The following SLCO3A1 variants were observed in gnomAD, a reference collection of about 807,000 sequenced individuals.
SLCO3A1 encodes solute carrier organic anion transporter family member 3A1.
Under a neutral mutation model 63.1 loss-of-function variants are expected in SLCO3A1, and 27 were observed. That is an observed-to-expected ratio of 0.43 (90% CI 0.32 to 0.59). The LOEUF is 0.59. Among genes scored for constraint, SLCO3A1 ranks in the 20% least tolerant of loss-of-function variants. The probability of loss-of-function intolerance (pLI) is 0.09; values close to 1 mark genes in which losing one functional copy is unlikely to be tolerated. For synonymous variants in SLCO3A1, 473 were observed against 409.9 expected (o/e 1.15, Z -1.86); for missense variants, 773 against 945.8 (o/e 0.82, Z 2.40).
chr15:91,972,512 G>A (rs7172099), intron 2 of SLCO3A1, among the ~76,000 whole-genome samples: 48,229 of 151,938 alleles, frequency 0.32, 8,049 homozygotes, highest in Non-Finnish European at 0.37. Context: ...TTCTGGTGGC[G>A]CCTTCTTTTG....
At position 92,033,101 on chromosome 15, in the gene SLCO3A1, A is replaced by G. The variant is rs2046676011; in HGVS notation, c.647-61780A>G. Among the ~76,000 whole-genome samples, 2 of 152,190 alleles carry G rather than the reference A, an allele frequency of 1.3e-5. No individual in the cohort carries two copies. The highest frequency in any genetic ancestry group is 2.9e-5 in the Non-Finnish European group (2 of 68,032). On this transcript the variant is annotated intron_variant, in intron 2 of 9. Coordinates refer to ENST00000318445, the MANE Select transcript of SLCO3A1 (RefSeq NM_013272.4). This position sits in a 1 kb window ranked among gnomAD's most constrained non-coding sequence, Gnocchi z 4.5. ...AACTTTGTGATGCTATCTTATTTAT[A>G]TAGAATTTTAGAATTTACCAAAGAA...
chr15:91,903,613 C>G (rs1438710190), intron 1 of SLCO3A1, among the ~76,000 whole-genome samples: 1 of 152,102 alleles, frequency 6.6e-6, no homozygotes, highest in African/African-American at 2.4e-5. Context: ...GCCTTTTCCT[C>G]CAGTGGACAC....
intron 2 of SLCO3A1, among the ~76,000 whole-genome samples, chr15:92,028,347 C>T (rs925882084): frequency 2.0e-5 from 3 of 152,320 alleles, no homozygotes; most frequent in South Asian, 4.1e-4. Context: ...GCCCCCCACC[C>T]TGGCCTTTGC....
chr15:92,112,305 C>T (rs574734300), intron 4 of SLCO3A1, among the ~76,000 whole-genome samples: 5 of 152,210 alleles, frequency 3.3e-5, no homozygotes, highest in Non-Finnish European at 7.3e-5. Context: ...CCAGCAGTTC[C>T]TGGTATCTGA....
intron 2 of SLCO3A1, among the ~76,000 whole-genome samples, chr15:92,056,223 C>CT: frequency 6.6e-6 from 1 of 152,182 alleles, no homozygotes; most frequent in Admixed American, 6.5e-5. Flanking sequence ...TTTGTTCAGC[C>CT]TTTGGGGGTT....
At chr15:91,961,398 G>T (rs747124455) in intron 2 of SLCO3A1, among the ~76,000 whole-genome samples, 2 of 152,246 alleles carry the variant, frequency 1.3e-5, no homozygotes, top group African/African-American at 2.4e-5. Flanking sequence ...GTGGCGTGTT[G>T]TCTTGAAGGA....
chr15:91,936,119 G>A (rs914474332), intron 2 of SLCO3A1, among the ~76,000 whole-genome samples: 7 of 152,180 alleles, frequency 4.6e-5, no homozygotes, highest in Non-Finnish European at 8.8e-5. Context: ...CAACGGGAAT[G>A]ATAATACTGT....
chr15:92,086,576 T>C (rs1197533146), intron 2 of SLCO3A1, among the ~76,000 whole-genome samples: 2 of 152,228 alleles, frequency 1.3e-5, no homozygotes, highest in Non-Finnish European at 2.9e-5. Flanking sequence ...TTTCACATTC[T>C]TGGTGAACTC....
At chr15:91,982,260 A>G (rs1333273409) in intron 2 of SLCO3A1, among the ~76,000 whole-genome samples, 14 of 152,264 alleles carry the variant, frequency 9.2e-5, no homozygotes, top group Non-Finnish European at 8.8e-5. Context: ...TAAGTCACTT[A>G]GCAATCAGGG....
chr15:92,147,251 C>A, intron 8 of SLCO3A1, 92 bp downstream of exon 8: 2 of 1,318,190 alleles, frequency 1.5e-6, no homozygotes, highest in Non-Finnish European at 2.1e-6. Context: ...CAACAGGAAT[C>A]TCTCGAACCA....
chr15:92,103,787 G>T (rs1056920687), intron 3 of SLCO3A1, among the ~76,000 whole-genome samples: 9 of 151,936 alleles, frequency 5.9e-5, no homozygotes, highest in Non-Finnish European at 1.3e-4. Flanking sequence ...GGCTTCAGAG[G>T]CCCTGCTCTA....
intron 6 of SLCO3A1, 91 bp downstream of exon 6, chr15:92,126,350 C>T: frequency 9.2e-7 from 1 of 1,084,472 alleles, no homozygotes; most frequent in Non-Finnish European, 1.4e-6. Context: ...AGCTTTGTTC[C>T]TAGTGACCTG....
In SLCO3A1 at chr15:91,882,573, G is replaced by A. The variant is rs1897617466; in HGVS notation, c.180+28485G>A. Among the ~76,000 whole-genome samples, 1 of 151,350 alleles carries A rather than the reference G, an allele frequency of 6.6e-6. No individual in the cohort carries two copies. Among genetic ancestry groups the A allele is most frequent in the African/African-American group, 2.4e-5 (1 of 41,160 alleles). ...TCTGTCGCCCAGGCCCGAGTGCAGT[G>A]GCATGATCTCAGCTCACTGCAACCT... On this transcript the variant is annotated intron_variant, in intron 1 of 9. Transcript: ENST00000318445. The surrounding 1 kb of genome is among the most constrained non-coding windows in gnomAD (Gnocchi z 4.4).
chr15:91,991,831 A>G (rs1382974393), intron 2 of SLCO3A1, among the ~76,000 whole-genome samples: 3 of 152,268 alleles, frequency 2.0e-5, no homozygotes, highest in African/African-American at 7.2e-5. Context: ...AATTAATTAC[A>G]TGCACATATA....
Position 92,164,751 on chromosome 15 carries a change from A to G in SLCO3A1, c.*1616A>G, listed in dbSNP as rs2048479144. On this transcript the variant is annotated 3_prime_UTR_variant, in exon 10 of 10. Coordinates refer to ENST00000318445, the MANE Select transcript of SLCO3A1 (RefSeq NM_013272.4). ...TTTTGAAGGTGGGTGAACCTCAGAG[A>G]ATGAACCTGTTATGATTTGGGGTAA... 1.0e-6 allele frequency: 1 copy of G among 985,312 alleles called. No homozygotes were observed. Among genetic ancestry groups the G allele is most frequent in the Non-Finnish European group, 1.2e-6 (1 of 829,948 alleles). The allele number at this position is 985,312 out of a possible 1,614,324, so 61.0% of individuals were successfully genotyped here.
intron 2 of SLCO3A1, among the ~76,000 whole-genome samples, chr15:92,020,437 G>T (rs2046494759): frequency 1.3e-5 from 2 of 152,224 alleles, no homozygotes; most frequent in Admixed American, 1.3e-4. Flanking sequence ...AAACCATGTG[G>T]GCTGGCCCAC....
intron 2 of SLCO3A1, among the ~76,000 whole-genome samples, chr15:91,992,468 T>C (rs1449216343): frequency 6.6e-6 from 1 of 152,218 alleles, no homozygotes; most frequent in African/African-American, 2.4e-5. Flanking sequence ...GTTTCCTTAC[T>C]ACTGCATCGT....
chr15:92,079,097 A>G (rs931369306), intron 2 of SLCO3A1, among the ~76,000 whole-genome samples: 4 of 152,234 alleles, frequency 2.6e-5, no homozygotes, highest in African/African-American at 7.2e-5. Flanking sequence ...GCTCCCTGGC[A>G]GTTTTCCACC....
intron 1 of SLCO3A1, among the ~76,000 whole-genome samples, chr15:91,871,412 C>T (rs146395030): frequency 1.7e-4 from 26 of 152,276 alleles, no homozygotes; most frequent in African/African-American, 5.3e-4. Flanking sequence ...ATTCTGTGGC[C>T]TCGGGTCAGC....
Sources: allele counts gnomAD v4.1 joint callset (sites outside exome capture counted in the v4.1 genomes callset), GRCh38; gene constraint gnomAD v4.1.1; non-coding constraint Gnocchi (gnomAD v3.1); transcripts MANE v1.5; gene names NCBI Gene and HGNC (gene_info 2026-07-23, HGNC 2026-07-21).